Variants in CNIH3 observed in about 807,000 individuals in gnomAD.
CNIH3 encodes cornichon family AMPA receptor auxiliary protein 3.
A neutral mutation model predicts 24.1 loss-of-function variants in CNIH3; 14 were observed. The ratio of observed to expected loss-of-function variants is 0.58; its 90% CI spans 0.38 to 0.91. CNIH3 has a LOEUF of 0.91. Ranked by LOEUF, CNIH3 falls within the 40% of genes least tolerant of loss-of-function variation. The probability of loss-of-function intolerance (pLI) is 0.00; values close to 1 mark genes in which losing one functional copy is unlikely to be tolerated. For synonymous variants in CNIH3, 68 were observed against 73.8 expected, an observed-to-expected ratio of 0.92 and a Z score of 0.40; for missense variants, 178 against 196.8, an observed-to-expected ratio of 0.90 and a Z score of 0.57.
intron 1 of CNIH3, among the ~76,000 whole-genome samples, chr1:224,470,597 G>A (rs1198806354): frequency 6.6e-6 from 1 of 152,136 alleles, no homozygotes; most frequent in African/African-American, 2.4e-5. Flanking sequence ...TGGGATTACA[G>A]GTGTGAGCCA....
chr1:224,624,723 A>T (rs1343797017), intron 1 of CNIH3, among the ~76,000 whole-genome samples: 7 of 152,308 alleles, frequency 4.6e-5, no homozygotes, highest in Admixed American at 2.6e-4. Context: ...ACCTGAAAGG[A>T]TCCTTCCATG....
At chr1:224,446,523 C>T (rs754858668) in intron 1 of CNIH3, among the ~76,000 whole-genome samples, 14 of 151,964 alleles carry the variant, frequency 9.2e-5, no homozygotes, top group East Asian at 3.9e-4. Flanking sequence ...TTGATGCTAA[C>T]GTAAATGGTA....
chr1:224,466,558 C>T (rs1676160426), intron 1 of CNIH3, among the ~76,000 whole-genome samples: 1 of 152,166 alleles, frequency 6.6e-6, no homozygotes, highest in Non-Finnish European at 1.5e-5. Flanking sequence ...GAGTTGTTAT[C>T]AACATTCATG....
At chr1:224,600,967 C>T (rs765710472) in intron 3 of CNIH3, among the ~76,000 whole-genome samples, 37 of 152,198 alleles carry the variant, frequency 2.4e-4, no homozygotes, top group Non-Finnish European at 4.9e-4. Context: ...CCAAACAGGT[C>T]TGCAGCAACC....
At chr1:224,608,528 G>A (rs562098410) in intron 3 of CNIH3, among the ~76,000 whole-genome samples, 22 of 152,260 alleles carry the variant, frequency 1.4e-4, no homozygotes, top group East Asian at 3.9e-4. Flanking sequence ...TAATCAGAAC[G>A]GAACAGAACA....
intron 1 of CNIH3, among the ~76,000 whole-genome samples, chr1:224,672,847 T>C (rs1173337264): frequency 6.6e-6 from 1 of 152,132 alleles, no homozygotes; most frequent in Non-Finnish European, 1.5e-5. Context: ...CAGAACTGGG[T>C]GAGGGAGCTG....
Position 224,579,005 on chromosome 1 carries a change from C to A in CNIH3, n.517-4159C>A, listed in dbSNP as rs574435331. On this transcript the variant is annotated intron_variant and non_coding_transcript_variant, in intron 4 of 5. Coordinates refer to the CNIH3 transcript ENST00000471578. ...TGTTTTTCATGTAGAGAGTAGAGAACAACTCTATTGAAATTTTTTGTTCAG... is the reference window on the plus strand; with the variant it reads ...TGTTTTTCATGTAGAGAGTAGAGAAAAACTCTATTGAAATTTTTTGTTCAG... Among the ~76,000 whole-genome samples, 13 of 151,196 alleles carry A rather than the reference C, an allele frequency of 8.6e-5. No homozygotes were observed. The East Asian group carries it at 2.5e-3, about 29-fold the overall frequency.
chr1:224,644,744 G>A (rs1416468975), intron 1 of CNIH3, among the ~76,000 whole-genome samples: 2 of 152,200 alleles, frequency 1.3e-5, no homozygotes, highest in Non-Finnish European at 2.9e-5. Context: ...TGCCACTAGA[G>A]GGCTGAGGTT....
chr1:224,616,885 CGCT>C lies in CNIH3; in HGVS notation c.-285_-283del. ...AGCTTGGCACTAATTTGCAGGTGTT[CGCT>C]GCTGATTTGGTTTCTTCTTCGATTT... On this transcript the variant is annotated 5_prime_UTR_variant, in exon 1 of 6. Transcript: ENST00000272133. The C allele has an allele frequency of 1.6e-6, 2 of 1,262,820 alleles. No homozygotes were observed. Among genetic ancestry groups the C allele is most frequent in the Non-Finnish European group, 2.0e-6 (2 of 1,004,094 alleles). 78.2% of individuals were successfully genotyped at this position (1,262,820 alleles called of 1,614,324 possible).
chr1:224,617,393 G>T, intron 1 of CNIH3, 138 bp downstream of exon 1: 1 of 971,850 alleles, frequency 1.0e-6, no homozygotes, highest in Non-Finnish European at 1.5e-6. Flanking sequence ...CCCGGGGCAG[G>T]AGGCAGTTCG....
At chr1:224,653,586 T>C (rs1684964044) in intron 1 of CNIH3, among the ~76,000 whole-genome samples, 1 of 152,258 alleles carries the variant, frequency 6.6e-6, no homozygotes, top group Admixed American at 6.5e-5. Flanking sequence ...TTTTACATAC[T>C]TCTCCTGTGA....
rs1367984449 is a variant in CNIH3 at position 224,704,210 on chromosome 1, AT to A, written c.198+19368del. On this transcript the variant is annotated intron_variant, in intron 3 of 5. Coordinates refer to ENST00000272133, the MANE Select transcript of CNIH3 (RefSeq NM_152495.2). The surrounding 1 kb of genome is among the most constrained non-coding windows in gnomAD (Gnocchi z 4.2). ...GCAGGACCTCCATGAGTCTCAGGTC[AT>A]CAAAGAGGAGTGGAGACACAGCCCC... 2.0e-5 allele frequency among the ~76,000 whole-genome samples: 3 copies of A among 151,508 alleles called. No homozygotes were observed. The highest frequency in any genetic ancestry group is 7.4e-5 in the African/African-American group (3 of 40,812).
At chr1:224,558,581 A>G (rs1680235774) in intron 3 of CNIH3, among the ~76,000 whole-genome samples, 1 of 152,208 alleles carries the variant, frequency 6.6e-6, no homozygotes, top group African/African-American at 2.4e-5. Context: ...TAGCAATTCT[A>G]AACAATGCAA....
intron 4 of CNIH3, chr1:224,574,597 TG>T (rs1680955722): frequency 1.2e-6 from 1 of 805,904 alleles, no homozygotes; most frequent in East Asian, 2.4e-5. Flanking sequence ...GAGAATGACG[TG>T]GGGGTGGCCA....
intron 1 of CNIH3, among the ~76,000 whole-genome samples, chr1:224,509,132 G>A (rs1198899826): frequency 6.6e-6 from 1 of 152,156 alleles, no homozygotes; most frequent in Admixed American, 6.5e-5. Context: ...AGACCAGCCT[G>A]GCCAACATGG....
At chr1:224,549,982 C>A (rs954253009) in intron 3 of CNIH3, among the ~76,000 whole-genome samples, 1 of 151,770 alleles carries the variant, frequency 6.6e-6, no homozygotes, top group Non-Finnish European at 1.5e-5. Context: ...AATATCAGAG[C>A]GATTATATGT....
chr1:224,440,306 T>G (rs1259186540), intron 1 of CNIH3, among the ~76,000 whole-genome samples: 2 of 152,204 alleles, frequency 1.3e-5, no homozygotes, highest in African/African-American at 4.8e-5. Context: ...CATAGCTCAC[T>G]GCAGCCTCAA....
At chr1:224,618,074 T>G (rs1213212718) in intron 1 of CNIH3, among the ~76,000 whole-genome samples, 1 of 152,082 alleles carries the variant, frequency 6.6e-6, no homozygotes, top group African/African-American at 2.4e-5. Flanking sequence ...TCTTTAGGTG[T>G]GGGTGGGAAT....
In CNIH3 at chr1:224,600,732, A is replaced by C. The variant is rs538727507; in HGVS notation, n.402+34468A>C. Among the ~76,000 whole-genome samples, 5 of 152,304 alleles carry C rather than the reference A, an allele frequency of 3.3e-5. No homozygotes were observed. The South Asian group carries it at 1.0e-3, about 32-fold the overall frequency. On this transcript the variant is annotated intron_variant and non_coding_transcript_variant, in intron 3 of 7. Coordinates refer to the CNIH3 transcript ENST00000478120. Reference sequence around the variant, plus strand: ...GTGTTCTCCCAAAATTCATATGCTGAATACCCAACCACCGATGTAACTGTA... The same window carrying C: ...GTGTTCTCCCAAAATTCATATGCTGCATACCCAACCACCGATGTAACTGTA...
Sources: allele counts gnomAD v4.1 joint callset (sites outside exome capture counted in the v4.1 genomes callset), GRCh38; gene constraint gnomAD v4.1.1; non-coding constraint Gnocchi (gnomAD v3.1); transcripts MANE v1.5; gene names NCBI Gene and HGNC (gene_info 2026-07-23, HGNC 2026-07-21).